STK16: variants seen among roughly 807,000 people sequenced by gnomAD.
The protein encoded by STK16 is serine/threonine-protein kinase 16.
A neutral mutation model predicts 37.8 loss-of-function variants in STK16; 28 were observed. The observed-to-expected ratio is 0.74, with a 90% CI of 0.55 to 1.02. STK16 has a LOEUF of 1.02. Ranked by LOEUF, STK16 falls within the 50% of genes least tolerant of loss-of-function variation. The probability of loss-of-function intolerance (pLI) is 0.00; values close to 1 mark genes in which losing one functional copy is unlikely to be tolerated. For missense variants in STK16, 349 were observed against 390.6 expected (o/e 0.89, Z 0.90); for synonymous variants, 134 against 155.0 (o/e 0.86, Z 1.01).
Position 219,245,899 on chromosome 2 carries a change from G to T in STK16, c.-101G>T. The T allele has an allele frequency of 1.1e-5, 10 of 881,052 alleles. No individual in the cohort carries two copies. Among genetic ancestry groups the T allele is most frequent in the African/African-American group, 3.4e-5 (2 of 59,368 alleles). The allele number at this position is 881,052 out of a possible 1,614,324, so 54.6% of individuals were successfully genotyped here. A position where few individuals can be genotyped will look rare whatever the true frequency, so the allele number is the denominator to read the frequency against. Reference sequence around the variant, plus strand: ...CCTGCCGTTGTTTTCTTTCCAGCATGATCCGCTGGGCCCCCAGCGCATCTC... The same window carrying T: ...CCTGCCGTTGTTTTCTTTCCAGCATTATCCGCTGGGCCCCCAGCGCATCTC... On this transcript the variant is annotated 5_prime_UTR_variant, in exon 2 of 8. An upstream start codon of the reference 5' UTR is lost. Coordinates refer to ENST00000396738, the MANE Select transcript of STK16 (RefSeq NM_001330213.2).
In STK16 at chr2:219,246,135, AG is replaced by A. The variant is rs766012456; in HGVS notation, c.86+52del. The A allele has an allele frequency of 3.3e-6, 5 of 1,537,002 alleles. No individual in the cohort carries two copies. In the South Asian group the frequency reaches 5.6e-5, roughly 17 times the overall value. On this transcript the variant is annotated intron_variant, in intron 2 of 7. Coordinates refer to ENST00000396738, the MANE Select transcript of STK16 (RefSeq NM_001330213.2). This position sits in a 1 kb window ranked among gnomAD's most constrained non-coding sequence, Gnocchi z 4.5. ...TAGTCCTCAAGTTTATGATCATTGAAGGACAGCGGTGTGCATATGCTTGGGG... is the reference window on the plus strand; with the variant it reads ...TAGTCCTCAAGTTTATGATCATTGAAGACAGCGGTGTGCATATGCTTGGGG...
rs1951619169 is a variant in STK16, at chr2:219,250,057, A to T, written c.*1498A>T. Reference sequence around the variant, plus strand: ...GAAAGGAGCTGAAGACTCATCCTTCAACAGTTTGTGCCTGGATTTTGGTCC... The same window carrying T: ...GAAAGGAGCTGAAGACTCATCCTTCTACAGTTTGTGCCTGGATTTTGGTCC... On this transcript the variant is annotated 3_prime_UTR_variant, in exon 8 of 8. Transcript: ENST00000396738. This position sits in a 1 kb window ranked among gnomAD's most constrained non-coding sequence, Gnocchi z 8.4. 8.0e-6 allele frequency: 3 copies of T among 374,662 alleles called. No homozygotes were observed. Among genetic ancestry groups the T allele is most frequent in the African/African-American group, 2.0e-5 (1 of 49,086 alleles). 23.2% of individuals were successfully genotyped at this position (374,662 alleles called of 1,614,324 possible).
At position 219,247,642 on chromosome 2, in the gene STK16, C is replaced by T; in HGVS notation, c.562-20C>T. 6.2e-7 allele frequency: 1 copy of T among 1,612,754 alleles called. No individual in the cohort carries two copies. Among genetic ancestry groups the T allele is most frequent in the South Asian group, 1.1e-5 (1 of 91,042 alleles). ...CCATGACCTGTGCCCCACTTTTGAG[C>T]TCTGGGATCACTGTTCCAGGACTGG... On this transcript the variant is annotated intron_variant, in intron 5 of 7. Coordinates refer to ENST00000396738, the MANE Select transcript of STK16 (RefSeq NM_001330213.2).
intron 6 of STK16, 111 bp from the exon 7 acceptor site, chr2:219,248,082 T>G: frequency 6.6e-7 from 1 of 1,507,588 alleles, no homozygotes; most frequent in Non-Finnish European, 9.0e-7. Flanking sequence ...GCCATGTGGC[T>G]GAGGTCAGCG....
chr2:219,246,933 T>TGAGTGGGG lies in STK16; in HGVS notation c.306+58_306+59insAGTGGGGG. The TGAGTGGGG allele has an allele frequency of 1.3e-6, 2 of 1,551,134 alleles. No individual in the cohort carries two copies. Among genetic ancestry groups the TGAGTGGGG allele is most frequent in the Non-Finnish European group, 1.8e-6 (2 of 1,140,126 alleles). On this transcript the variant is annotated intron_variant, in intron 3 of 7. Transcript: ENST00000396738. The surrounding 1 kb of genome is among the most constrained non-coding windows in gnomAD (Gnocchi z 4.5). ...GCAGCAGAGCCACCTACTCAAGGGC[T>TGAGTGGGG]GTGTGAGCAGTCCAGCATGTTAGGA...
intron 6 of STK16, 105 bp downstream of exon 6, chr2:219,247,862 C>G: frequency 9.3e-7 from 1 of 1,072,388 alleles, no homozygotes. Context: ...CGCCAGGAAC[C>G]ACAATATGTC....
In STK16 at chr2:219,248,201, C is replaced by A. The variant is rs1158265049; in HGVS notation, c.666C>A (p.Gly222=). ...AATCAAGTTATGCTCAGTCCCTAGG[C>A]TGCGTGCTATATGCCATGATGTTTG... The part of the protein sequence containing the change: ...IDERTDVWSL[G]CVLYAMMFGE... The change falls in exon 7 of 8, where the codon GGC becomes GGA. Residue 222 remains glycine (G), a synonymous_variant. Coordinates refer to ENST00000396738, the MANE Select transcript of STK16 (RefSeq NM_001330213.2). 1.2e-6 allele frequency: 2 copies of A among 1,614,176 alleles called. No homozygotes were observed. The highest frequency in any genetic ancestry group is 2.2e-5 in the South Asian group (2 of 91,088).
Position 219,245,932 on chromosome 2 carries a change from A to G in STK16, c.-68A>G, listed in dbSNP as rs949249091. The G allele has an allele frequency of 4.6e-6, 6 of 1,308,728 alleles. No individual in the cohort carries two copies. In the African/African-American group the frequency reaches 7.4e-5, roughly 16 times the overall value. The allele number at this position is 1,308,728 out of a possible 1,614,324, so 81.1% of individuals were successfully genotyped here. A position where few individuals can be genotyped will look rare whatever the true frequency, so the allele number is the denominator to read the frequency against. ...GGGCCCCCAGCGCATCTCCTGGAAG[A>G]GCCCACTCACCCTGGACGAGCTCTT... On this transcript the variant is annotated 5_prime_UTR_variant, in exon 2 of 8. Transcript: ENST00000396738.
intron 5 of STK16, 59 bp from the exon 6 acceptor site, chr2:219,247,603 G>T (rs1951565019): frequency 6.2e-7 from 1 of 1,614,024 alleles, no homozygotes; most frequent in Admixed American, 1.7e-5. Context: ...GCATGTCCCA[G>T]TTTGGTCACA....
chr2:219,247,037 G>C (rs1272783367), intron 3 of STK16, 76 bp from the exon 4 acceptor site: 2 of 1,596,150 alleles, frequency 1.3e-6, no homozygotes, highest in Non-Finnish European at 1.7e-6. Context: ...GATAGGCTTT[G>C]ACATAGGGAA....
rs1328450495 is a variant in STK16, at chr2:219,247,522, C to G, written c.548C>G (p.Ala183Gly). The G allele has an allele frequency of 6.2e-7, 1 of 1,614,212 alleles. No individual in the cohort carries two copies. Among genetic ancestry groups the G allele is most frequent in the Non-Finnish European group, 8.5e-7 (1 of 1,180,030 alleles). The change falls in exon 5 of 8, where the codon GCT (alanine) becomes GGT (glycine). Residue 183 changes from alanine to glycine, a missense_variant. By Grantham distance (60) the Ala-to-Gly change is moderately conservative. Coordinates refer to ENST00000396738, the MANE Select transcript of STK16 (RefSeq NM_001330213.2). ...ATCCATGTGGAGGGCTCCCGCCAGGCTCTGACCCTGCAGGTAAAAGAGTCT... is the reference window on the plus strand; with the variant it reads ...ATCCATGTGGAGGGCTCCCGCCAGGGTCTGACCCTGCAGGTAAAAGAGTCT... The part of the protein sequence containing the change: ...ACIHVEGSRQ[A>G]LTLQDWAAQR...
intron 4 of STK16, 68 bp from the exon 5 acceptor site, chr2:219,247,347 C>G (rs1475451424): frequency 2.5e-6 from 4 of 1,609,336 alleles, no homozygotes; most frequent in Non-Finnish European, 3.4e-6. Context: ...CTGTATGATT[C>G]TTTTGCTTGC....
intron 4 of STK16, 78 bp from the exon 5 acceptor site, chr2:219,247,337 C>T (rs1951558513): frequency 6.2e-7 from 1 of 1,608,990 alleles, no homozygotes; most frequent in Non-Finnish European, 8.5e-7. Context: ...AAGAAACAGC[C>T]TGTATGATTC....
At chr2:219,247,593 G>A in intron 5 of STK16, 58 bp downstream of exon 5, 1 of 1,614,192 alleles carries the variant, frequency 6.2e-7, no homozygotes, top group East Asian at 2.2e-5. Flanking sequence ...CCCTTCTGGT[G>A]CATGTCCCAG....
At chr2:219,247,041 T>C (rs1371016139) in intron 3 of STK16, 72 bp from the exon 4 acceptor site, 4 of 1,598,742 alleles carry the variant, frequency 2.5e-6, no homozygotes, top group Non-Finnish European at 3.4e-6. Flanking sequence ...GGCTTTGACA[T>C]AGGGAAGGGA....
At position 219,249,371 on chromosome 2, in the gene STK16, T is replaced by C. The variant is rs997068764; in HGVS notation, c.*812T>C. On this transcript the variant is annotated 3_prime_UTR_variant, in exon 8 of 8. Coordinates refer to ENST00000396738, the MANE Select transcript of STK16 (RefSeq NM_001330213.2). ...ATCGTTCAAGCTCATACATGGTTAATGATTAATGAGGCAGTGTGGTGTGGC... is the reference window on the plus strand; with the variant it reads ...ATCGTTCAAGCTCATACATGGTTAACGATTAATGAGGCAGTGTGGTGTGGC... 2 of 152,214 alleles carry C rather than the reference T, an allele frequency of 1.3e-5. No homozygotes were observed. The highest frequency in any genetic ancestry group is 4.8e-5 in the African/African-American group (2 of 41,440). 9.4% of individuals were successfully genotyped at this position (152,214 alleles called of 1,614,324 possible).
intron 6 of STK16, 173 bp from the exon 7 acceptor site, chr2:219,248,020 A>G: frequency 3.0e-6 from 3 of 1,001,272 alleles, no homozygotes. Flanking sequence ...TAAGCTAAAC[A>G]GGGGCTGCGG....
At position 219,246,383 on chromosome 2, in the gene STK16, G is replaced by A. The variant is rs750929942; in HGVS notation, c.87-274G>A. ...GTGTATAAAATGTCTCACCCAATGC[G>A]GGGTTGACAAGTACTTGATAAGTGT... On this transcript the variant is annotated intron_variant, in intron 2 of 7. Transcript: ENST00000396738. This position sits in a 1 kb window ranked among gnomAD's most constrained non-coding sequence, Gnocchi z 4.5. 3 of 609,868 alleles carry A rather than the reference G, an allele frequency of 4.9e-6. No individual in the cohort carries two copies. Among genetic ancestry groups the A allele is most frequent in the East Asian group, 2.8e-5 (1 of 36,266 alleles). The allele number at this position is 609,868 out of a possible 1,614,324, so 37.8% of individuals were successfully genotyped here. A position where few individuals can be genotyped will look rare whatever the true frequency, so the allele number is the denominator to read the frequency against.
chr2:219,250,152 C>A lies in STK16; in HGVS notation c.*1593C>A, dbSNP rs192126963. ...GTCCCTGGGGTTATGCTTCCTGGGC[C>A]TGGCAAGAACCCCTTTGCAGGTCTC... is the stretch of plus-strand genomic sequence containing the variant. On this transcript the variant is annotated 3_prime_UTR_variant, in exon 8 of 8. Coordinates refer to ENST00000396738, the MANE Select transcript of STK16 (RefSeq NM_001330213.2). The surrounding 1 kb of genome is among the most constrained non-coding windows in gnomAD (Gnocchi z 8.4). The A allele has an allele frequency of 4.3e-5, 33 of 773,060 alleles. No homozygotes were observed. The highest frequency in any genetic ancestry group is 2.9e-4 in the Admixed American group (12 of 40,684). The allele number at this position is 773,060 out of a possible 1,614,324, so 47.9% of individuals were successfully genotyped here.
Sources: gnomAD v4.1 joint callset for allele counts on GRCh38, gnomAD v4.1.1 for gene constraint, Gnocchi (gnomAD v3.1) non-coding constraint, MANE v1.5 for transcripts, NCBI Gene and HGNC (gene_info 2026-07-23, HGNC 2026-07-21) for gene names.